The following RYR1 variants were observed in gnomAD, a reference collection of about 807,000 sequenced individuals.
The protein encoded by RYR1 is ryanodine receptor 1.
In RYR1, 342 loss-of-function variants were observed where a neutral mutation model predicts 583.5. That is an observed-to-expected ratio of 0.59 (90% CI 0.54 to 0.64). The LOEUF (loss-of-function observed/expected upper bound fraction) is 0.64, where lower values mean the gene tolerates loss of function less well. Among genes scored for constraint, RYR1 ranks in the 30% least tolerant of loss-of-function variants. RYR1 has a pLI of 0.00. For missense variants in RYR1, 6,032 were observed against 6,917.2 expected (o/e 0.87, Z 4.54); for synonymous variants, 2,791 against 2,822.5 (o/e 0.99, Z 0.35).
chr19:38,456,856 C>A (rs924271094), intron 16 of RYR1, among the ~76,000 whole-genome samples: 56 of 151,104 alleles, frequency 3.7e-4, no homozygotes, highest in Non-Finnish European at 6.5e-4. Flanking sequence ...ACCATCCTGG[C>A]TAATGCGGTG....
At position 38,455,562 on chromosome 19, in the gene RYR1, G is replaced by T. The variant is rs780167562; in HGVS notation, c.1672+16G>T. ...GCCTCGTCTGGTAGGAGAACCCGGG[G>T]GAGTGGGACAGAGGCTTGTGGGAGG... On this transcript the variant is annotated intron_variant, in intron 15 of 105. Coordinates refer to ENST00000359596, the MANE Select transcript of RYR1 (RefSeq NM_000540.3). The T allele has an allele frequency of 3.7e-6, 6 of 1,613,662 alleles. 1 individual carries two copies. In the South Asian group the frequency reaches 6.6e-5, roughly 18 times the overall value.
intron 101 of RYR1, among the ~76,000 whole-genome samples, chr19:38,581,227 G>A (rs569360438): frequency 2.0e-5 from 3 of 151,894 alleles, no homozygotes; most frequent in South Asian, 2.1e-4. Flanking sequence ...ACAGGCGCCC[G>A]CCACCACGCC....
At chr19:38,486,293 G>T in intron 34 of RYR1, 91 bp downstream of exon 34, 1 of 1,483,436 alleles carries the variant, frequency 6.7e-7, no homozygotes, top group South Asian at 1.1e-5. Context: ...CTCTATTTAT[G>T]CATCCAACCA....
At chr19:38,580,891 C>T (rs546717026) in intron 101 of RYR1, among the ~76,000 whole-genome samples, 6 of 150,256 alleles carry the variant, frequency 4.0e-5, no homozygotes, top group African/African-American at 1.5e-4. Flanking sequence ...CTGATGCATG[C>T]CAGGCACATT....
chr19:38,470,251 CA>C (rs200592601), intron 27 of RYR1, among the ~76,000 whole-genome samples: 2 of 149,772 alleles, frequency 1.3e-5, no homozygotes, highest in African/African-American at 2.5e-5. Flanking sequence ...GACCCTATCT[CA>C]AAAAAAAATT....
At chr19:38,529,111 C>G in intron 76 of RYR1, 54 bp downstream of exon 76, 2 of 1,574,946 alleles carry the variant, frequency 1.3e-6, no homozygotes, top group Admixed American at 1.7e-5. Context: ...GGGGCCACCC[C>G]CAGCCCAGCA....
intron 58 of RYR1, among the ~76,000 whole-genome samples, chr19:38,508,976 G>GC (rs1225581340): frequency 6.6e-6 from 1 of 152,204 alleles, no homozygotes; most frequent in East Asian, 1.9e-4. Context: ...CTGCTGGGGT[G>GC]CCCCCCAGTG....
chr19:38,451,731 G>A, intron 11 of RYR1, 33 bp from the exon 12 acceptor site: 1 of 1,613,420 alleles, frequency 6.2e-7, no homozygotes, highest in South Asian at 1.1e-5. Context: ...GGGTGGCTGG[G>A]CCCACTCCAG....
chr19:38,543,916 T>TC lies in RYR1; in HGVS notation c.12012+46dup. On this transcript the variant is annotated intron_variant, in intron 87 of 105. Transcript: ENST00000359596. This position sits in a 1 kb window ranked among gnomAD's most constrained non-coding sequence, Gnocchi z 4.4. ...GTCTCCATCCACCTGCTTCCGGGCG[T>TC]CCCCCAAGTGGTCCATTTCCAAGTC... 6.3e-7 allele frequency: 1 copy of TC among 1,578,886 alleles called. No individual in the cohort carries two copies. The highest frequency in any genetic ancestry group is 8.6e-7 in the Non-Finnish European group (1 of 1,156,748).
chr19:38,457,381 C>T (rs1661861937), intron 16 of RYR1, 116 bp from the exon 17 acceptor site: 1 of 1,459,974 alleles, frequency 6.8e-7, no homozygotes. Context: ...GTCAAAATTG[C>T]CACATCTTAT....
At chr19:38,461,825 C>T (rs1032747974) in intron 20 of RYR1, among the ~76,000 whole-genome samples, 7 of 150,292 alleles carry the variant, frequency 4.7e-5, no homozygotes, top group South Asian at 2.1e-4. Context: ...GAGGCTGAGG[C>T]GGGCAGATCA....
chr19:38,538,413 G>A (rs117560848), intron 84 of RYR1: 30 of 172,054 alleles, frequency 1.7e-4, no homozygotes, highest in Middle Eastern at 5.3e-3. Flanking sequence ...AAAAAACCTC[G>A]CTGGAATTTC....
In RYR1 at chr19:38,499,224, C is replaced by T; in HGVS notation, c.7008C>T (p.Arg2336=). 6.2e-7 allele frequency: 1 copy of T among 1,614,214 alleles called. No individual in the cohort carries two copies. Among genetic ancestry groups the T allele is most frequent in the Non-Finnish European group, 8.5e-7 (1 of 1,180,028 alleles). Reference sequence around the variant, plus strand: ...GAGAGCGCTACCTGGACTTCCTGCGCTTTGCTGTCTTCGTCAACGGTGAGG... The same window carrying T: ...GAGAGCGCTACCTGGACTTCCTGCGTTTTGCTGTCTTCGTCAACGGTGAGG... The part of the protein sequence containing the change: ...CGGERYLDFL[R]FAVFVNGESV... Residue 2336 remains arginine (R), a synonymous_variant, in exon 43 of 106, where the codon CGC becomes CGT. Coordinates refer to ENST00000359596, the MANE Select transcript of RYR1 (RefSeq NM_000540.3). This position sits in a 1 kb window ranked among gnomAD's most constrained non-coding sequence, Gnocchi z 7.3.
At chr19:38,468,394 A>G (rs1968240329) in intron 25 of RYR1, among the ~76,000 whole-genome samples, 1 of 152,074 alleles carries the variant, frequency 6.6e-6, no homozygotes, top group South Asian at 2.1e-4. Flanking sequence ...TGCCCATCCA[A>G]CAACCATTTA....
rs778947596 is a variant in RYR1, at chr19:38,496,239, C to T, written c.6573C>T (p.Phe2191=). 6.2e-7 allele frequency: 1 copy of T among 1,613,844 alleles called. No homozygotes were observed. Among genetic ancestry groups the T allele is most frequent in the Non-Finnish European group, 8.5e-7 (1 of 1,180,038 alleles). ...SIGNIMNNKV[F]YQHPNLMRAL... is the part of the protein sequence containing the mutation. ...GGAACATCATGAACAACAAAGTCTT[C>T]TACCAACACCCGAACCTGATGAGGG... The change falls in exon 40 of 106, where the codon TTC becomes TTT. Residue 2191 remains phenylalanine, a synonymous_variant. Coordinates refer to ENST00000359596, the MANE Select transcript of RYR1 (RefSeq NM_000540.3). The surrounding 1 kb of genome is among the most constrained non-coding windows in gnomAD (Gnocchi z 4.8).
At chr19:38,482,000 A>T (rs564672489) in intron 31 of RYR1, among the ~76,000 whole-genome samples, 1 of 152,246 alleles carries the variant, frequency 6.6e-6, no homozygotes, top group South Asian at 2.1e-4. Context: ...AGACAGGAGA[A>T]TCGCTTGAAC....
Position 38,496,281 on chromosome 19 carries a change from G to A in RYR1, c.6615G>A (p.Glu2205=), listed in dbSNP as rs181195904. 22 of 1,614,042 alleles carry A rather than the reference G, an allele frequency of 1.4e-5. No individual in the cohort carries two copies. The highest frequency in any genetic ancestry group is 1.7e-5 in the Non-Finnish European group (20 of 1,180,030). Reference sequence around the variant, plus strand: ...TGATGAGGGCGCTGGGCATGCACGAGACGGTCATGGAGGTCATGGTCAACG... The same window carrying A: ...TGATGAGGGCGCTGGGCATGCACGAAACGGTCATGGAGGTCATGGTCAACG... ...PNLMRALGMH[E]TVMEVMVNVL... is the part of the protein sequence containing the mutation. Residue 2205 remains glutamate (E), a synonymous_variant, in exon 40 of 106, where the codon GAG becomes GAA. Transcript: ENST00000359596. The surrounding 1 kb of genome is among the most constrained non-coding windows in gnomAD (Gnocchi z 4.8).
chr19:38,519,153 C>A, intron 66 of RYR1, 61 bp from the exon 67 acceptor site: 1 of 1,612,868 alleles, frequency 6.2e-7, no homozygotes, highest in Admixed American at 1.7e-5. Context: ...GGGCTGGGAA[C>A]GGAGTTTGGG....
intron 19 of RYR1, 134 bp from the exon 20 acceptor site, chr19:38,460,241 C>G (rs1471691498): frequency 7.5e-6 from 6 of 801,790 alleles, no homozygotes; most frequent in Admixed American, 1.9e-5. Flanking sequence ...CTCCAGGACA[C>G]TATGACTGCC....
Sources: allele counts gnomAD v4.1 joint callset (sites outside exome capture counted in the v4.1 genomes callset), GRCh38; gene constraint gnomAD v4.1.1; non-coding constraint Gnocchi (gnomAD v3.1); transcripts MANE v1.5; gene names NCBI Gene and HGNC (gene_info 2026-07-23, HGNC 2026-07-21).